Variants in GRIP1 observed in about 807,000 individuals in gnomAD.
GRIP1 encodes the protein glutamate receptor interacting protein 1, also known as glutamate receptor-interacting protein 1.
A neutral mutation model predicts 129.9 loss-of-function variants in GRIP1; 45 were observed. The ratio of observed to expected loss-of-function variants is 0.35; its 90% CI spans 0.27 to 0.44. The LOEUF (loss-of-function observed/expected upper bound fraction) is 0.44, where lower values mean the gene tolerates loss of function less well. Among genes scored for constraint, GRIP1 ranks in the 20% least tolerant of loss-of-function variants. The pLI is 1.00. For synonymous variants in GRIP1, 530 were observed against 520.8 expected (o/e 1.02, Z -0.24); for missense variants, 1,196 against 1,396.8 (o/e 0.86, Z 2.29).
chr12:66,697,093 T>G (rs187047716), intron 1 of GRIP1, among the ~76,000 whole-genome samples: 3 of 148,098 alleles, frequency 2.0e-5, no homozygotes, highest in African/African-American at 8.0e-5. Flanking sequence ...TTATAAACAT[T>G]TGGTAGTGAA....
chr12:66,387,558 A>G (rs2056408887), intron 19 of GRIP1, among the ~76,000 whole-genome samples: 1 of 152,250 alleles, frequency 6.6e-6, no homozygotes, highest in African/African-American at 2.4e-5. Context: ...GAGCAAAGGC[A>G]TAGAAAAACA....
At chr12:66,864,817 G>T (rs1160753495) in intron 1 of GRIP1, among the ~76,000 whole-genome samples, 5 of 152,098 alleles carry the variant, frequency 3.3e-5, no homozygotes, top group Non-Finnish European at 5.9e-5. Context: ...TGCCTCAAAG[G>T]CTTTTGTAGT....
At chr12:66,471,882 A>G (rs929954972) in intron 7 of GRIP1, among the ~76,000 whole-genome samples, 9 of 152,238 alleles carry the variant, frequency 5.9e-5, no homozygotes, top group African/African-American at 2.2e-4. Flanking sequence ...TGTATTGGTC[A>G]ACATGATCTA....
chr12:66,830,828 TG>T (rs2039503181), intron 1 of GRIP1, among the ~76,000 whole-genome samples: 1 of 108,486 alleles, frequency 9.2e-6, no homozygotes, highest in African/African-American at 3.3e-5. Context: ...TTTTGGTATC[TG>T]AATTTTTTTT....
intron 1 of GRIP1, among the ~76,000 whole-genome samples, chr12:66,973,160 T>C (rs1455065395): frequency 6.6e-6 from 1 of 152,262 alleles, no homozygotes; most frequent in East Asian, 1.9e-4. Context: ...CACAGTAACA[T>C]GTAATTTTTA....
intron 1 of GRIP1, among the ~76,000 whole-genome samples, chr12:66,708,914 A>G (rs1340615081): frequency 6.6e-6 from 1 of 151,872 alleles, no homozygotes. Context: ...TTTGTCAAGA[A>G]GTTGACACGA....
At chr12:66,568,994 T>C (rs2062861820) in intron 2 of GRIP1, 2 of 488,460 alleles carry the variant, frequency 4.1e-6, no homozygotes, top group Admixed American at 2.1e-5. Context: ...ATAGTACTTA[T>C]AATTCTATCT....
At chr12:66,481,391 C>T (rs1270966097) in intron 7 of GRIP1, among the ~76,000 whole-genome samples, 1 of 152,066 alleles carries the variant, frequency 6.6e-6, no homozygotes, top group Non-Finnish European at 1.5e-5. Context: ...ATCAAATCCA[C>T]AATGAGATAC....
chr12:66,451,383 G>GTTTTTTTTTTTTTTTTTTTTTTTTTT lies in GRIP1; in HGVS notation c.1354+4000_1354+4025dup, dbSNP rs1169331519. Among the ~76,000 whole-genome samples the GTTTTTTTTTTTTTTTTTTTTTTTTTT allele has an allele frequency of 1.4e-4, 6 of 42,656 alleles. 1 individual carries two copies. The highest frequency in any genetic ancestry group is 2.5e-4 in the Non-Finnish European group (6 of 23,900). The allele number at this position is 42,656 out of a possible 152,430, so 28.0% of individuals were successfully genotyped here. A position where few individuals can be genotyped will look rare whatever the true frequency, so the allele number is the denominator to read the frequency against. On this transcript the variant is annotated intron_variant, in intron 11 of 24. Coordinates refer to ENST00000359742, the MANE Select transcript of GRIP1 (RefSeq NM_001366722.1). The stretch of plus-strand genomic sequence containing the variant: ...CCCCAAAGATTTATTATTATAATCT[G>GTTTTTTTTTTTTTTTTTTTTTTTTTT]TTTTTTTTTTTTTTTTTTTTTTTTT...
chr12:66,727,125 TCACATGTGTGTG>T (rs2036280695), intron 1 of GRIP1, among the ~76,000 whole-genome samples: 1 of 152,178 alleles, frequency 6.6e-6, no homozygotes, highest in South Asian at 2.1e-4. Context: ...TCTATGTGTA[TCACATGTGTGTG>T]CACATGTGTG....
intron 7 of GRIP1, among the ~76,000 whole-genome samples, chr12:66,480,103 C>G (rs1344418123): frequency 2.0e-5 from 3 of 152,070 alleles, no homozygotes; most frequent in Non-Finnish European, 4.4e-5. Flanking sequence ...AACGGGTATT[C>G]AAGTAGGAAG....
At chr12:67,040,931 C>T (rs1019585810) in intron 1 of GRIP1, among the ~76,000 whole-genome samples, 3 of 152,016 alleles carry the variant, frequency 2.0e-5, no homozygotes, top group African/African-American at 7.2e-5. Context: ...AAGTAGATTA[C>T]CCTCCCTGAT....
chr12:66,531,255 ATATATATATATAT>A (rs2061450187), intron 4 of GRIP1, among the ~76,000 whole-genome samples: 4 of 4,816 alleles, frequency 8.3e-4, no homozygotes, highest in Non-Finnish European at 1.2e-3. Context: ...AAAAAAAAAT[ATATATATATATAT>A]ATATATATAT....
chr12:66,792,199 G>A (rs2038560409), intron 1 of GRIP1, among the ~76,000 whole-genome samples: 1 of 152,108 alleles, frequency 6.6e-6, no homozygotes, highest in South Asian at 2.1e-4. Context: ...TCTCTACAAA[G>A]CTTAATATTT....
intron 1 of GRIP1, among the ~76,000 whole-genome samples, chr12:66,776,996 G>C (rs1265833965): frequency 6.6e-6 from 1 of 152,174 alleles, no homozygotes; most frequent in Non-Finnish European, 1.5e-5. Flanking sequence ...TATATACACG[G>C]TCTTGTAGTT....
chr12:66,720,665 C>A (rs2036030243), intron 1 of GRIP1, among the ~76,000 whole-genome samples: 1 of 152,170 alleles, frequency 6.6e-6, no homozygotes, highest in Admixed American at 6.5e-5. Flanking sequence ...CAAGAAACCA[C>A]TTTCTTTGTT....
chr12:67,050,914 G>C (rs1565656406), intron 1 of GRIP1, among the ~76,000 whole-genome samples: 1 of 152,104 alleles, frequency 6.6e-6, no homozygotes, highest in Non-Finnish European at 1.5e-5. Context: ...GAGTTTGTCT[G>C]GCATGTCCAG....
chr12:66,952,972 T>G (rs774394335), intron 1 of GRIP1, among the ~76,000 whole-genome samples: 7 of 152,236 alleles, frequency 4.6e-5, no homozygotes, highest in African/African-American at 7.2e-5. Context: ...AGCTTGACTA[T>G]GCCACACATA....
chr12:66,779,096 C>T lies in GRIP1; in HGVS notation c.-420+24957G>A, dbSNP rs151134740. ...AAACCGGCTCAATAAAGATGAAGTG[C>T]TATACTTCAGGAAAATGTCTTTGTT... On this transcript the variant is annotated intron_variant, in intron 1 of 4. Coordinates refer to the GRIP1 transcript ENST00000538373. Among the ~76,000 whole-genome samples, 54 of 152,224 alleles carry T rather than the reference C, an allele frequency of 3.5e-4. 2 individuals carry two copies. In the East Asian group the frequency reaches 8.9e-3, roughly 25 times the overall value.
Sources: gnomAD v4.1 joint callset for allele counts (sites outside exome capture counted in the v4.1 genomes callset) on GRCh38, gnomAD v4.1.1 for gene constraint, MANE v1.5 for transcripts, NCBI Gene and HGNC (gene_info 2026-07-23, HGNC 2026-07-21) for gene names.